The following QRFPR variants were observed in gnomAD, a reference collection of about 807,000 sequenced individuals.
QRFPR encodes the protein pyroglutamylated RF-amide peptide receptor.
A neutral mutation model predicts 31.3 loss-of-function variants in QRFPR; 37 were observed. That is an observed-to-expected ratio of 1.18 (90% CI 0.91 to 1.56). The LOEUF is 1.56. QRFPR is among the 40% of genes most tolerant of loss of function. The probability of loss-of-function intolerance (pLI) is 0.00; values close to 1 mark genes in which losing one functional copy is unlikely to be tolerated. For missense variants in QRFPR, 542 were observed against 532.5 expected, an observed-to-expected ratio of 1.02 and a Z score of -0.18; for synonymous variants, 197 against 192.0, an observed-to-expected ratio of 1.03 and a Z score of -0.22.
At chr4:121,374,418 G>C (rs1313050655) in intron 1 of QRFPR, among the ~76,000 whole-genome samples, 1 of 152,032 alleles carries the variant, frequency 6.6e-6, no homozygotes, top group East Asian at 1.9e-4. Context: ...CTTCATATCA[G>C]CCTGAGTCCT....
At chr4:121,365,864 T>A (rs1469440192) in intron 1 of QRFPR, among the ~76,000 whole-genome samples, 1 of 145,004 alleles carries the variant, frequency 6.9e-6, no homozygotes, top group African/African-American at 2.6e-5. Flanking sequence ...AATAGCTTCA[T>A]GGTTACTTTT....
intron 2 of QRFPR, 105 bp from the exon 3 acceptor site, chr4:121,336,973 T>C (rs1234162034): frequency 7.7e-6 from 8 of 1,036,696 alleles, no homozygotes; most frequent in South Asian, 2.6e-5. Context: ...AGCTGTTCTC[T>C]GCCCTAGGGC....
chr4:121,346,823 A>G (rs2110472831), intron 1 of QRFPR, among the ~76,000 whole-genome samples: 1 of 152,276 alleles, frequency 6.6e-6, no homozygotes, highest in African/African-American at 2.4e-5. Flanking sequence ...TGGATATGGT[A>G]GATTACACTG....
At chr4:121,371,985 T>C (rs1016565248) in intron 1 of QRFPR, among the ~76,000 whole-genome samples, 3 of 152,216 alleles carry the variant, frequency 2.0e-5, no homozygotes, top group Admixed American at 1.3e-4. Context: ...ACTGACAGTA[T>C]GGGCAATGGG....
chr4:121,338,352 A>G (rs1278162211), intron 2 of QRFPR, among the ~76,000 whole-genome samples: 4 of 152,190 alleles, frequency 2.6e-5, no homozygotes, highest in Non-Finnish European at 4.4e-5. Flanking sequence ...GAAGGGCTAG[A>G]GTTGGATGAA....
At chr4:121,363,102 G>C (rs537319449) in intron 1 of QRFPR, among the ~76,000 whole-genome samples, 1 of 149,982 alleles carries the variant, frequency 6.7e-6, no homozygotes, top group Non-Finnish European at 1.5e-5. Context: ...GGGAGGCCAA[G>C]GTGGGCAGAT....
At chr4:121,357,690 G>C (rs1241875797) in intron 1 of QRFPR, among the ~76,000 whole-genome samples, 1 of 152,178 alleles carries the variant, frequency 6.6e-6, no homozygotes, top group Non-Finnish European at 1.5e-5. Flanking sequence ...GAAAGATTGT[G>C]AATTTTAGGG....
At chr4:121,344,628 T>C (rs1438740573) in intron 1 of QRFPR, among the ~76,000 whole-genome samples, 3 of 152,186 alleles carry the variant, frequency 2.0e-5, no homozygotes, top group African/African-American at 7.2e-5. Flanking sequence ...ATCGTGGATA[T>C]TTATTTTCAC....
chr4:121,340,490 T>A lies in QRFPR; in HGVS notation c.461A>T (p.Lys154Met). 6.2e-7 allele frequency: 1 copy of A among 1,614,080 alleles called. No homozygotes were observed. Residue 154 changes from lysine (K) to methionine (M), a missense_variant, in exon 2 of 6, where the codon AAG (lysine) becomes ATG (methionine). Lys to Met is a moderately conservative substitution (Grantham distance 95). Transcript: ENST00000394427. The stretch of plus-strand genomic sequence containing the variant: ...AGCCCTTCGGTTGGTGTATTGCCAC[T>A]TCATTTTAAAAGGATGCACAAGTCC... ...HQGLVHPFKM[K>M]WQYTNRRAFT...
intron 1 of QRFPR, chr4:121,369,489 G>T: frequency 7.9e-7 from 1 of 1,268,154 alleles, no homozygotes. Context: ...TGTGCCCGTG[G>T]TGGCTGTTTC....
intron 1 of QRFPR, among the ~76,000 whole-genome samples, chr4:121,372,965 G>A (rs1350120436): frequency 6.6e-6 from 1 of 152,174 alleles, no homozygotes; most frequent in Non-Finnish European, 1.5e-5. Flanking sequence ...GCTGGCCGCC[G>A]AGGGGGAGGA....
chr4:121,375,795 C>T (rs1726340636), intron 1 of QRFPR, among the ~76,000 whole-genome samples: 1 of 152,056 alleles, frequency 6.6e-6, no homozygotes, highest in Non-Finnish European at 1.5e-5. Flanking sequence ...GCAGAAAATA[C>T]AGAGATAGGG....
intron 1 of QRFPR, among the ~76,000 whole-genome samples, chr4:121,370,655 C>T (rs1015851202): frequency 2.0e-5 from 3 of 152,178 alleles, no homozygotes; most frequent in African/African-American, 7.2e-5. Context: ...CACTAGGCAA[C>T]ACTACCCGAC....
chr4:121,342,273 T>G (rs1398685387), intron 1 of QRFPR, among the ~76,000 whole-genome samples: 1 of 152,096 alleles, frequency 6.6e-6, no homozygotes, highest in Non-Finnish European at 1.5e-5. Context: ...ACTCCCTGGG[T>G]TCTCAGGCCT....
At chr4:121,340,431 T>C in intron 2 of QRFPR, 21 bp downstream of exon 2, 1 of 1,613,384 alleles carries the variant, frequency 6.2e-7, no homozygotes, top group South Asian at 1.1e-5. Flanking sequence ...ACACTGCCAT[T>C]GGCACATCCA....
intron 1 of QRFPR, among the ~76,000 whole-genome samples, chr4:121,358,119 TA>T (rs1379597997): frequency 1.3e-5 from 2 of 152,158 alleles, no homozygotes; most frequent in African/African-American, 2.4e-5. Flanking sequence ...AAATACTTTT[TA>T]AAAAAGCAAA....
In QRFPR at chr4:121,329,658, G is replaced by A; in HGVS notation, c.952C>T (p.Gln318Ter). ...ATGGAGTTGGAAAATCCAATAATTT[G>A]CACGATAGCAAAAATCATCTTGATT... ...VTIKMIFAIV[Q>*]IIGFSNSICN... is the part of the protein sequence containing the mutation. Residue 318 changes from glutamine (Q) to a stop codon, truncating the protein, a stop_gained, in exon 6 of 6, where the codon CAA becomes TAA. Transcript: ENST00000394427. LOFTEE classifies it low-confidence loss of function (END_TRUNC). The A allele has an allele frequency of 6.3e-7, 1 of 1,581,092 alleles. No homozygotes were observed. The highest frequency in any genetic ancestry group is 1.4e-5 in the African/African-American group (1 of 73,566).
chr4:121,333,365 C>T (rs1446832836), intron 3 of QRFPR, among the ~76,000 whole-genome samples: 1 of 152,136 alleles, frequency 6.6e-6, no homozygotes, highest in Non-Finnish European at 1.5e-5. Flanking sequence ...TTTCAATCGA[C>T]TGAAAGAGCA....
intron 1 of QRFPR, chr4:121,370,251 C>G: frequency 1.3e-6 from 1 of 782,296 alleles, no homozygotes; most frequent in Non-Finnish European, 2.4e-6. Context: ...ATCATCATAG[C>G]TGAGTGCCCG....
Sources: allele counts gnomAD v4.1 joint callset (sites outside exome capture counted in the v4.1 genomes callset), GRCh38; gene constraint gnomAD v4.1.1; transcripts MANE v1.5; gene names NCBI Gene and HGNC (gene_info 2026-07-23, HGNC 2026-07-21).